The following ANO10 variants were observed in gnomAD, a reference collection of about 807,000 sequenced individuals.
ANO10 encodes anoctamin 10, also known as anoctamin-10.
In ANO10, 77 loss-of-function variants were observed where a neutral mutation model predicts 74.7. That is an observed-to-expected ratio of 1.03 (90% CI 0.86 to 1.25). The LOEUF is 1.25. ANO10 is among the 50% of genes most tolerant of loss of function. The pLI is 0.00. For missense variants in ANO10, 721 were observed against 778.1 expected (o/e 0.93, Z 0.87); for synonymous variants, 279 against 284.9 (o/e 0.98, Z 0.21).
At chr3:43,497,632 G>A (rs1306151766) in intron 11 of ANO10, among the ~76,000 whole-genome samples, 1 of 152,126 alleles carries the variant, frequency 6.6e-6, no homozygotes, top group African/African-American at 2.4e-5. Flanking sequence ...ATCCTGAGGA[G>A]CCTAAGTCCC....
intron 7 of ANO10, among the ~76,000 whole-genome samples, chr3:43,566,155 T>G (rs1314216882): frequency 6.6e-6 from 1 of 152,056 alleles, no homozygotes; most frequent in Non-Finnish European, 1.5e-5. Context: ...CACCACGAGA[T>G]TATATCCTGC....
chr3:43,588,972 C>T (rs1017054150), intron 4 of ANO10, among the ~76,000 whole-genome samples: 2 of 152,116 alleles, frequency 1.3e-5, no homozygotes, highest in South Asian at 4.1e-4. Context: ...ACAAGGGACA[C>T]AAGAACTACA....
intron 12 of ANO10, among the ~76,000 whole-genome samples, chr3:43,382,495 G>A (rs2091993703): frequency 6.6e-6 from 1 of 150,378 alleles, no homozygotes. Context: ...CTCCAGCCTG[G>A]GCGACAGAGC....
At chr3:43,376,553 A>G (rs1300114539) in intron 12 of ANO10, among the ~76,000 whole-genome samples, 1 of 152,244 alleles carries the variant, frequency 6.6e-6, no homozygotes, top group Non-Finnish European at 1.5e-5. Context: ...ACCATCAACT[A>G]TGTGTGTTAT....
chr3:43,433,481 C>T (rs1164399882), intron 11 of ANO10, among the ~76,000 whole-genome samples: 2 of 152,090 alleles, frequency 1.3e-5, no homozygotes, highest in Non-Finnish European at 2.9e-5. Flanking sequence ...GTCATGAATC[C>T]TCTAATCCCA....
chr3:43,667,670 C>T (rs1351699567), intron 1 of ANO10, among the ~76,000 whole-genome samples: 1 of 152,192 alleles, frequency 6.6e-6, no homozygotes, highest in African/African-American at 2.4e-5. Context: ...TTAGCTCTCA[C>T]TTATAAATGA....
intron 1 of ANO10, among the ~76,000 whole-genome samples, chr3:43,650,200 G>A (rs1171026805): frequency 6.6e-6 from 1 of 152,190 alleles, no homozygotes; most frequent in African/African-American, 2.4e-5. Flanking sequence ...TGGGATGGAT[G>A]GGGAGCTATA....
chr3:43,495,547 G>A (rs1203414218), intron 11 of ANO10, among the ~76,000 whole-genome samples: 1 of 152,102 alleles, frequency 6.6e-6, no homozygotes, highest in African/African-American at 2.4e-5. Flanking sequence ...ACACTCAAAA[G>A]AAAAATGAGC....
At chr3:43,687,400 T>C (rs2084289190) in intron 1 of ANO10, among the ~76,000 whole-genome samples, 2 of 152,204 alleles carry the variant, frequency 1.3e-5, no homozygotes, top group Non-Finnish European at 2.9e-5. Context: ...GCCCCTGTGA[T>C]GGTTGTGGTA....
intron 1 of ANO10, among the ~76,000 whole-genome samples, chr3:43,635,184 C>G (rs891451351): frequency 3.9e-5 from 6 of 152,136 alleles, no homozygotes; most frequent in African/African-American, 1.2e-4. Flanking sequence ...TGCAAAAGAA[C>G]AAGGATACTG....
chr3:43,611,294 G>A (rs545616416), intron 1 of ANO10, among the ~76,000 whole-genome samples: 2 of 152,292 alleles, frequency 1.3e-5, no homozygotes, highest in South Asian at 4.1e-4. Context: ...TCAGAAGGGA[G>A]TTGAGCCACC....
At position 43,529,359 on chromosome 3, in the gene ANO10, G is replaced by A. The variant is rs889001074; in HGVS notation, c.1797+20361C>T. ...GTTCAAGAACTTGAGAACTCTTCTT[G>A]AGAAATCTTTTGCCACTCAAAGTGG... is the stretch of plus-strand genomic sequence containing the variant. On this transcript the variant is annotated intron_variant, in intron 11 of 12. Coordinates refer to ENST00000292246, the MANE Select transcript of ANO10 (RefSeq NM_018075.5). 6.6e-5 allele frequency among the ~76,000 whole-genome samples: 10 copies of A among 152,172 alleles called. 1 individual carries two copies. The highest frequency in any genetic ancestry group is 5.9e-4 in the Admixed American group (9 of 15,280).
chr3:43,496,266 A>T (rs1463652773), intron 11 of ANO10, among the ~76,000 whole-genome samples: 1 of 152,178 alleles, frequency 6.6e-6, no homozygotes, highest in Non-Finnish European at 1.5e-5. Context: ...GACCATGTGG[A>T]ATATTCTGTA....
intron 12 of ANO10, among the ~76,000 whole-genome samples, chr3:43,383,700 G>GA (rs2092037670): frequency 6.6e-6 from 1 of 152,072 alleles, no homozygotes; most frequent in Non-Finnish European, 1.5e-5. Context: ...AGTAGATGCA[G>GA]AAAAAACATT....
chr3:43,575,119 T>C (rs887877209), intron 6 of ANO10, among the ~76,000 whole-genome samples: 4 of 152,044 alleles, frequency 2.6e-5, no homozygotes, highest in African/African-American at 7.3e-5. Context: ...ATTTGGGAAG[T>C]GCTGGCAAAC....
chr3:43,453,027 GTTAA>G, intron 11 of ANO10, among the ~76,000 whole-genome samples: 1 of 152,202 alleles, frequency 6.6e-6, no homozygotes, highest in Middle Eastern at 3.4e-3. Flanking sequence ...TTTTAATTGG[GTTAA>G]TTGTGAGTTT....
At chr3:43,664,584 G>A (rs554794296) in intron 1 of ANO10, among the ~76,000 whole-genome samples, 243 of 152,266 alleles carry the variant, frequency 1.6e-3, no homozygotes, top group South Asian at 8.7e-3. Flanking sequence ...TATCATCAGA[G>A]TGAACAGGCA....
At chr3:43,489,833 T>C (rs1170667411) in intron 11 of ANO10, among the ~76,000 whole-genome samples, 1 of 152,000 alleles carries the variant, frequency 6.6e-6, no homozygotes, top group Non-Finnish European at 1.5e-5. Context: ...TTAAAACCTG[T>C]TTTTTATCTC....
intron 11 of ANO10, among the ~76,000 whole-genome samples, chr3:43,521,694 G>A (rs1363624622): frequency 6.6e-6 from 1 of 152,132 alleles, no homozygotes; most frequent in Non-Finnish European, 1.5e-5. Flanking sequence ...GTTGCTGATG[G>A]GAAAGCAAAA....
Sources: allele counts gnomAD v4.1 joint callset (sites outside exome capture counted in the v4.1 genomes callset), GRCh38; gene constraint gnomAD v4.1.1; transcripts MANE v1.5; gene names NCBI Gene and HGNC (gene_info 2026-07-23, HGNC 2026-07-21).